Variants in CKAP4 observed in about 807,000 individuals in gnomAD.
CKAP4 encodes cytoskeleton associated protein 4, also known as cytoskeleton-associated protein 4.
CKAP4 carries 20 observed loss-of-function variants against 24.4 expected under a neutral mutation model. The ratio of observed to expected loss-of-function variants is 0.82; its 90% CI spans 0.58 to 1.19. The LOEUF (loss-of-function observed/expected upper bound fraction) is 1.19. Among genes scored for constraint, CKAP4 ranks in the 50% most tolerant of loss-of-function variants. The probability of loss-of-function intolerance (pLI) is 0.00; values close to 1 mark genes in which losing one functional copy is unlikely to be tolerated. For synonymous variants in CKAP4, 378 were observed against 351.7 expected, an observed-to-expected ratio of 1.07 and a Z score of -0.84; for missense variants, 744 against 765.3, an observed-to-expected ratio of 0.97 and a Z score of 0.33.
Position 106,247,137 on chromosome 12 carries a change from G to A in CKAP4, c.483+232C>T, listed in dbSNP as rs2034018861. On this transcript the variant is annotated intron_variant, in intron 1 of 1. Transcript: ENST00000378026. This position sits in a 1 kb window ranked among gnomAD's most constrained non-coding sequence, Gnocchi z 4.5. ...GCATCCTCGCGGCGGCCCATCCCTC[G>A]GGGCCGATTCCTCCGCAGCCATTAA... 6.6e-6 allele frequency among the ~76,000 whole-genome samples: 1 copy of A among 152,154 alleles called. No individual in the cohort carries two copies. Among genetic ancestry groups the A allele is most frequent in the South Asian group, 2.1e-4 (1 of 4,832 alleles).
At position 106,247,306 on chromosome 12, in the gene CKAP4, A is replaced by T; in HGVS notation, c.483+63T>A. ...AGGGGCCGGTCGGGAAGCACGAAGG[A>T]GCCCGGCCGTGGGTCCGGAGGCCGC... On this transcript the variant is annotated intron_variant, in intron 1 of 1. Transcript: ENST00000378026. The surrounding 1 kb of genome is among the most constrained non-coding windows in gnomAD (Gnocchi z 4.5). 1 of 1,415,666 alleles carries T rather than the reference A, an allele frequency of 7.1e-7. No individual in the cohort carries two copies. Among genetic ancestry groups the T allele is most frequent in the Admixed American group, 2.2e-5 (1 of 45,848 alleles). 87.7% of individuals were successfully genotyped at this position (1,415,666 alleles called of 1,614,324 possible).
At chr12:106,245,060 CCT>C (rs1370023147) in intron 1 of CKAP4, among the ~76,000 whole-genome samples, 1 of 152,140 alleles carries the variant, frequency 6.6e-6, no homozygotes, top group African/African-American at 2.4e-5. Flanking sequence ...TCCAACCCAC[CCT>C]CTCTCACAAT....
At chr12:106,241,788 C>T (rs2033972777) in intron 1 of CKAP4, among the ~76,000 whole-genome samples, 1 of 152,064 alleles carries the variant, frequency 6.6e-6, no homozygotes, top group African/African-American at 2.4e-5. Flanking sequence ...GACAACCTCT[C>T]TGCCTGTGCT....
chr12:106,246,067 G>C (rs1442523153), intron 1 of CKAP4, among the ~76,000 whole-genome samples: 3 of 152,196 alleles, frequency 2.0e-5, no homozygotes, highest in East Asian at 1.9e-4. Flanking sequence ...CAATGACATA[G>C]TGGAGGGCGA....
At position 106,242,922 on chromosome 12, in the gene CKAP4, T is replaced by G. The variant is rs3782700; in HGVS notation, c.484-2573A>C. Among the ~76,000 whole-genome samples the G allele has an allele frequency of 9.0e-3, 1,367 of 152,236 alleles. 14 individuals carry two copies. The highest frequency in any genetic ancestry group is 0.015 in the East Asian group (76 of 5,188). Reference sequence around the variant, plus strand: ...AAATTATATCCAACCCCCAACACTATAAAAAAGAACATGGTGTTCCCCTAC... The same window carrying G: ...AAATTATATCCAACCCCCAACACTAGAAAAAAGAACATGGTGTTCCCCTAC... On this transcript the variant is annotated intron_variant, in intron 1 of 1. Coordinates refer to ENST00000378026, the MANE Select transcript of CKAP4 (RefSeq NM_006825.4).
chr12:106,240,645 G>C (rs1275626457), intron 1 of CKAP4, among the ~76,000 whole-genome samples: 1 of 148,012 alleles, frequency 6.8e-6, no homozygotes, highest in Non-Finnish European at 1.5e-5. Context: ...GTGGCACATG[G>C]TGCCACCTTT....
Position 106,239,559 on chromosome 12 carries a change from A to G in CKAP4, c.1274T>C (p.Val425Ala), listed in dbSNP as rs1369874199. ...HVEDGVLSMQ[V>A]ASARQTESLE... ...GCTCTCGGTCTGGCGCGCAGAAGCC[A>G]CCTGCATGGAGAGCACCCCATCCTC... The change falls in exon 2 of 2, where the codon GTG (valine) becomes GCG (alanine). Residue 425 changes from valine (V) to alanine (A), a missense_variant. Physicochemically the swap from Val to Ala is moderately conservative, Grantham distance 64 (BLOSUM62 0). This residue lies in a region of CKAP4 where 401 missense variants were observed against 424.5 expected (regional missense o/e 0.94). Transcript: ENST00000378026. This position sits in a 1 kb window ranked among gnomAD's most constrained non-coding sequence, Gnocchi z 4.9. The G allele has an allele frequency of 6.2e-7, 1 of 1,613,284 alleles. No individual in the cohort carries two copies. The highest frequency in any genetic ancestry group is 1.7e-5 in the Admixed American group (1 of 60,016).
rs1317823473 is a variant in CKAP4, at chr12:106,247,799, G to A, written c.53C>T (p.Pro18Leu). ...GSKGGHGAAS[P>L]SEKGAHPSGG... is the part of the protein sequence containing the mutation. ...CGACGGGTGGGCACCCTTCTCCGAG[G>A]GGCTCGCGGCGCCGTGGCCGCCCTT... is the stretch of plus-strand genomic sequence containing the variant. The change falls in exon 1 of 2, where the codon CCC becomes CTC. Residue 18 changes from proline (P) to leucine (L), a missense_variant. Physicochemically the swap from Pro to Leu is moderately conservative, Grantham distance 98. Transcript: ENST00000378026. This position sits in a 1 kb window ranked among gnomAD's most constrained non-coding sequence, Gnocchi z 4.5. 9.5e-7 allele frequency: 1 copy of A among 1,052,120 alleles called. No homozygotes were observed. Among genetic ancestry groups the A allele is most frequent in the Non-Finnish European group, 1.1e-6 (1 of 877,086 alleles). 65.2% of individuals were successfully genotyped at this position (1,052,120 alleles called of 1,614,324 possible).
At position 106,238,847 on chromosome 12, in the gene CKAP4, A is replaced by G; in HGVS notation, c.*177T>C. The stretch of plus-strand genomic sequence containing the variant: ...CCAAATGCAGAAGCAGAGAACTTAA[A>G]TATTGTAAATAAGTTAACTGGGCAT... On this transcript the variant is annotated 3_prime_UTR_variant, in exon 2 of 2. Transcript: ENST00000378026. The G allele has an allele frequency of 4.3e-6, 3 of 699,770 alleles. No individual in the cohort carries two copies. Among genetic ancestry groups the G allele is most frequent in the Non-Finnish European group, 7.2e-6 (3 of 416,112 alleles). The allele number at this position is 699,770 out of a possible 1,614,324, so 43.3% of individuals were successfully genotyped here. A position where few individuals can be genotyped will look rare whatever the true frequency, so the allele number is the denominator to read the frequency against.
chr12:106,239,520 A>C lies in CKAP4; in HGVS notation c.1313T>G (p.Leu438Arg), dbSNP rs1007607882. 6 of 1,609,782 alleles carry C rather than the reference A, an allele frequency of 3.7e-6. No individual in the cohort carries two copies. The highest frequency in any genetic ancestry group is 5.1e-6 in the Non-Finnish European group (6 of 1,179,104). ...CTGCTCGTGCTCCTGGCTCTTGGAC[A>C]GGAGGGACTCCAGGCTCTCGGTCTG... ...ARQTESLESL[L>R]SKSQEHEQRL... is the part of the protein sequence containing the mutation. The change falls in exon 2 of 2, where the codon CTG becomes CGG. Residue 438 changes from leucine to arginine, a missense_variant. Coordinates refer to ENST00000378026, the MANE Select transcript of CKAP4 (RefSeq NM_006825.4). This position sits in a 1 kb window ranked among gnomAD's most constrained non-coding sequence, Gnocchi z 4.9.
chr12:106,243,567 C>T (rs879343198), intron 1 of CKAP4, among the ~76,000 whole-genome samples: 10 of 152,218 alleles, frequency 6.6e-5, no homozygotes, highest in Non-Finnish European at 1.2e-4. Flanking sequence ...CTTTATATCA[C>T]GCTGGATCTG....
Position 106,247,358 on chromosome 12 carries a change from G to A in CKAP4, c.483+11C>T, listed in dbSNP as rs1324722267. The stretch of plus-strand genomic sequence containing the variant: ...GTCGATGGGGACAGTTGCGGGGCCG[G>A]GGGTACCCACCTTCTGCTCGACGCC... On this transcript the variant is annotated intron_variant, in intron 1 of 1. Transcript: ENST00000378026. The surrounding 1 kb of genome is among the most constrained non-coding windows in gnomAD (Gnocchi z 4.5). 2 of 1,520,600 alleles carry A rather than the reference G, an allele frequency of 1.3e-6. No individual in the cohort carries two copies. The highest frequency in any genetic ancestry group is 5.3e-5 in the East Asian group (2 of 38,050). The allele number at this position is 1,520,600 out of a possible 1,614,324, so 94.2% of individuals were successfully genotyped here.
At position 106,239,392 on chromosome 12, in the gene CKAP4, C is replaced by G; in HGVS notation, c.1441G>C (p.Val481Leu). The G allele has an allele frequency of 6.2e-7, 1 of 1,600,500 alleles. No individual in the cohort carries two copies. The highest frequency in any genetic ancestry group is 8.5e-7 in the Non-Finnish European group (1 of 1,177,724). ...TVRSLGETQL[V>L]LYGDVEELKR... ...AGCTCCTCCACGTCACCGTAGAGCACCAGCTGGGTCTCGCCCAGGCTCCTC... is the reference window on the plus strand; with the variant it reads ...AGCTCCTCCACGTCACCGTAGAGCAGCAGCTGGGTCTCGCCCAGGCTCCTC... Residue 481 changes from valine to leucine, a missense_variant, in exon 2 of 2, where the codon GTG (valine) becomes CTG (leucine). Physicochemically the swap from Val to Leu is conservative, Grantham distance 32. Coordinates refer to ENST00000378026, the MANE Select transcript of CKAP4 (RefSeq NM_006825.4). This position sits in a 1 kb window ranked among gnomAD's most constrained non-coding sequence, Gnocchi z 4.9.
intron 1 of CKAP4, among the ~76,000 whole-genome samples, chr12:106,241,489 C>T (rs957821903): frequency 2.8e-4 from 43 of 151,938 alleles, no homozygotes; most frequent in Admixed American, 2.3e-3. Flanking sequence ...CCCGCCACTA[C>T]GCCCGGCTAA....
rs148554650 is a variant in CKAP4 at position 106,242,988 on chromosome 12, T to C, written c.484-2639A>G. ...TTGTGCATCTTTATGTGCAAATAAT[T>C]CATTATCATCAATATGCATTGGAAA... On this transcript the variant is annotated intron_variant, in intron 1 of 1. Coordinates refer to ENST00000378026, the MANE Select transcript of CKAP4 (RefSeq NM_006825.4). Among the ~76,000 whole-genome samples, 399 of 152,330 alleles carry C rather than the reference T, an allele frequency of 2.6e-3. 2 individuals carry two copies. The highest frequency in any genetic ancestry group is 9.1e-3 in the African/African-American group (378 of 41,574).
At chr12:106,243,782 C>T (rs1420318827) in intron 1 of CKAP4, among the ~76,000 whole-genome samples, 1 of 152,232 alleles carries the variant, frequency 6.6e-6, no homozygotes, top group Non-Finnish European at 1.5e-5. Context: ...CCAACTCCAG[C>T]TACACAACTT....
At chr12:106,241,625 G>A (rs988374051) in intron 1 of CKAP4, among the ~76,000 whole-genome samples, 86 of 152,234 alleles carry the variant, frequency 5.6e-4, no homozygotes, top group Non-Finnish European at 9.9e-4. Flanking sequence ...GAGCCACCGC[G>A]CCTGGCCTCA....
At chr12:106,243,670 G>A (rs894156643) in intron 1 of CKAP4, among the ~76,000 whole-genome samples, 4 of 152,220 alleles carry the variant, frequency 2.6e-5, no homozygotes, top group Non-Finnish European at 5.9e-5. Context: ...AATCCTCTGG[G>A]TAAGGACAGG....
Position 106,239,650 on chromosome 12 carries a change from G to C in CKAP4, c.1183C>G (p.His395Asp). 1 of 1,614,230 alleles carries C rather than the reference G, an allele frequency of 6.2e-7. No individual in the cohort carries two copies. The highest frequency in any genetic ancestry group is 1.3e-5 in the African/African-American group (1 of 75,064). Reference protein sequence around the residue: ...HGPKEDGGFRHSEAFEALQQK... With the variant: ...HGPKEDGGFRDSEAFEALQQK... ...TGGAGTGCCTCAAAGGCTTCCGAGT[G>C]TCTGAAGCCTCCGTCCTCCTTCGGC... is the stretch of plus-strand genomic sequence containing the variant. Residue 395 changes from histidine (H) to aspartate (D), a missense_variant, in exon 2 of 2, where the codon CAC becomes GAC. Coordinates refer to ENST00000378026, the MANE Select transcript of CKAP4 (RefSeq NM_006825.4). This position sits in a 1 kb window ranked among gnomAD's most constrained non-coding sequence, Gnocchi z 4.9.
Sources: gnomAD v4.1 joint callset for allele counts (sites outside exome capture counted in the v4.1 genomes callset) on GRCh38, gnomAD v4.1.1 for gene constraint, gnomAD v4.1.1 regional missense constraint, Gnocchi (gnomAD v3.1) non-coding constraint, MANE v1.5 for transcripts, NCBI Gene and HGNC (gene_info 2026-07-23, HGNC 2026-07-21) for gene names.